The following TENM3 variants were observed in gnomAD, a reference collection of about 807,000 sequenced individuals.
The protein encoded by TENM3 is teneurin transmembrane protein 3.
A neutral mutation model predicts 255.1 loss-of-function variants in TENM3; 63 were observed. The observed-to-expected ratio is 0.25, with a 90% confidence interval of 0.20 to 0.30. TENM3 has a LOEUF of 0.30. Among genes scored for constraint, TENM3 ranks in the 10% least tolerant of loss-of-function variants. TENM3 has a pLI of 1.00. For missense variants in TENM3, 2,929 were observed against 3,461.1 expected (o/e 0.85, Z 3.86); for synonymous variants, 1,306 against 1,322.3 (o/e 0.99, Z 0.27).
At chr4:182,377,934 A>G (rs1345328164) in intron 3 of TENM3, among the ~76,000 whole-genome samples, 1 of 152,148 alleles carries the variant, frequency 6.6e-6, no homozygotes, top group Non-Finnish European at 1.5e-5. Flanking sequence ...CAAATGTGGT[A>G]GAATGAAAAA....
the TENM3 span, among the ~76,000 whole-genome samples, chr4:182,003,609 A>T: frequency 4.6e-5 from 7 of 152,058 alleles, no homozygotes; most frequent in African/African-American, 1.7e-4. Context: ...CATGATATTG[A>T]CTTTGTTTTC....
At chr4:181,469,768 T>C in the TENM3 span, among the ~76,000 whole-genome samples, 2 of 152,308 alleles carry the variant, frequency 1.3e-5, no homozygotes, top group Admixed American at 6.5e-5. Context: ...CCTTTAACAA[T>C]ATTATTCTTA....
chr4:182,629,175 G>T (rs918248219), intron 5 of TENM3, among the ~76,000 whole-genome samples: 4 of 152,102 alleles, frequency 2.6e-5, no homozygotes, highest in African/African-American at 9.7e-5. Context: ...TAGCTCTGTG[G>T]CATTTCATGT....
chr4:182,146,010 TG>T lies in TENM3; in HGVS notation c.-76+1258del, dbSNP rs149503392. On this transcript the variant is annotated intron_variant, in intron 1 of 2. Transcript: ENST00000512480. Reference sequence around the variant, plus strand: ...GATGGTATTGTAACTGAACAGAACTTGGTGATTTGATCCCTTAGTGAATTTC... The same window carrying T: ...GATGGTATTGTAACTGAACAGAACTTGTGATTTGATCCCTTAGTGAATTTC... 6.9e-3 allele frequency among the ~76,000 whole-genome samples: 1,046 copies of T among 152,338 alleles called. 9 individuals are homozygous for T. The highest frequency in any genetic ancestry group is 0.024 in the African/African-American group (998 of 41,584).
Position 182,287,373 on chromosome 4 carries a change from C to G in TENM3, c.-75-36573C>G, listed in dbSNP as rs60903040. ...CTTTTTGTTGGTGGCTGTAATACAC[C>G]GAGCTTTTGCTATTTCAGAGAATGT... On this transcript the variant is annotated intron_variant, in intron 1 of 27. Transcript: ENST00000511685. Among the ~76,000 whole-genome samples, 2 of 152,166 alleles carry G rather than the reference C, an allele frequency of 1.3e-5. 1 individual carries two copies. The highest frequency in any genetic ancestry group is 4.1e-4 in the South Asian group (2 of 4,822).
intron 1 of TENM3, among the ~76,000 whole-genome samples, chr4:182,230,852 A>C (rs1162541804): frequency 1.7e-5 from 2 of 120,888 alleles, no homozygotes. Flanking sequence ...ATATATATAT[A>C]TATATCCCCC....
At chr4:181,601,455 G>A in the TENM3 span, among the ~76,000 whole-genome samples, 1 of 152,166 alleles carries the variant, frequency 6.6e-6, no homozygotes, top group African/African-American at 2.4e-5. Context: ...TTGGCTGGCA[G>A]ACGGTTGTCA....
Position 182,799,513 on chromosome 4 carries a change from G to A in TENM3, c.7345-83G>A. 1 of 1,484,214 alleles carries A rather than the reference G, an allele frequency of 6.7e-7. No homozygotes were observed. The highest frequency in any genetic ancestry group is 8.9e-7 in the Non-Finnish European group (1 of 1,125,060). 91.9% of individuals were successfully genotyped at this position (1,484,214 alleles called of 1,614,324 possible). On this transcript the variant is annotated intron_variant, in intron 27 of 27. Transcript: ENST00000511685. The surrounding 1 kb of genome is among the most constrained non-coding windows in gnomAD (Gnocchi z 4.2). Reference sequence around the variant, plus strand: ...GGGCTTCCATGCATGCCCCGGCGCTGCCCCCAGAGTCCCGTGTGTGGGTCA... The same window carrying A: ...GGGCTTCCATGCATGCCCCGGCGCTACCCCCAGAGTCCCGTGTGTGGGTCA...
At chr4:182,400,514 T>C (rs962280447) in intron 3 of TENM3, among the ~76,000 whole-genome samples, 23 of 152,250 alleles carry the variant, frequency 1.5e-4, no homozygotes, top group Non-Finnish European at 1.5e-5. Flanking sequence ...GTACTGTTGA[T>C]ATTGTAAAGC....
chr4:182,479,991 AT>A (rs202066958), intron 3 of TENM3, among the ~76,000 whole-genome samples: 1,604 of 151,878 alleles, frequency 0.011, 26 homozygotes, highest in African/African-American at 0.037. Flanking sequence ...AAGAATAGTT[AT>A]TTTTTTTCAC....
the TENM3 span, among the ~76,000 whole-genome samples, chr4:181,761,154 T>C: frequency 1.3e-5 from 2 of 152,154 alleles, no homozygotes; most frequent in African/African-American, 2.4e-5. Flanking sequence ...GTTTTATTGA[T>C]CTTTTTATTT....
At chr4:182,497,085 TG>T (rs1026514954) in intron 3 of TENM3, among the ~76,000 whole-genome samples, 2 of 151,924 alleles carry the variant, frequency 1.3e-5, no homozygotes, top group African/African-American at 4.8e-5. Flanking sequence ...GACGGAGTCT[TG>T]CTCTGTCGCC....
chr4:181,673,974 G>A, the TENM3 span, among the ~76,000 whole-genome samples: 14 of 151,878 alleles, frequency 9.2e-5, no homozygotes, highest in East Asian at 1.7e-3. Flanking sequence ...GGAGTATGGC[G>A]AATTTCTTTT....
the TENM3 span, among the ~76,000 whole-genome samples, chr4:182,011,274 T>G: frequency 6.6e-6 from 1 of 152,250 alleles, no homozygotes; most frequent in Non-Finnish European, 1.5e-5. Flanking sequence ...ACCTTACTGA[T>G]GGACACCATC....
At chr4:182,112,629 CAA>C in the TENM3 span, among the ~76,000 whole-genome samples, 5 of 152,126 alleles carry the variant, frequency 3.3e-5, no homozygotes, top group African/African-American at 1.2e-4. Flanking sequence ...CTAGGGAAAA[CAA>C]AGAGCAGTCT....
At chr4:181,722,619 T>C in the TENM3 span, among the ~76,000 whole-genome samples, 2 of 152,210 alleles carry the variant, frequency 1.3e-5, no homozygotes, top group Non-Finnish European at 2.9e-5. Flanking sequence ...GTAGGAAACA[T>C]GGAAAATACA....
chr4:181,979,884 T>C, the TENM3 span, among the ~76,000 whole-genome samples: 1 of 152,212 alleles, frequency 6.6e-6, no homozygotes, highest in African/African-American at 2.4e-5. Flanking sequence ...TTTTAGTTTT[T>C]GTTTTATTTC....
chr4:182,386,701 G>T (rs764458388), intron 3 of TENM3, among the ~76,000 whole-genome samples: 1 of 152,238 alleles, frequency 6.6e-6, no homozygotes, highest in Non-Finnish European at 1.5e-5. Flanking sequence ...CCAGGCCAGC[G>T]GCTGCAGAGG....
intron 1 of TENM3, among the ~76,000 whole-genome samples, chr4:182,170,496 A>G (rs1020647932): frequency 5.9e-5 from 9 of 152,246 alleles, no homozygotes; most frequent in Admixed American, 5.2e-4. Context: ...AATCTGATCT[A>G]CGCCTTTTAC....
Sources: allele counts gnomAD v4.1 joint callset (sites outside exome capture counted in the v4.1 genomes callset), GRCh38; gene constraint gnomAD v4.1.1; non-coding constraint Gnocchi (gnomAD v3.1); transcripts MANE v1.5; gene names NCBI Gene and HGNC (gene_info 2026-07-23, HGNC 2026-07-21).